MYT1L: variants seen among roughly 807,000 people sequenced by gnomAD.
The protein encoded by MYT1L is myelin transcription factor 1-like protein.
MYT1L carries 12 observed loss-of-function variants against 126.7 expected under a neutral mutation model. That is an observed-to-expected ratio of 0.09 (90% CI 0.06 to 0.15). MYT1L has a LOEUF of 0.15. Ranked by LOEUF, MYT1L falls within the 10% of genes least tolerant of loss-of-function variation. The pLI is 1.00. For missense variants in MYT1L, 979 were observed against 1,585.2 expected, an observed-to-expected ratio of 0.62 and a Z score of 6.49; for synonymous variants, 541 against 604.2, an observed-to-expected ratio of 0.90 and a Z score of 1.53.
Position 2,308,447 on chromosome 2 carries a change from T to A in MYT1L, c.-521+22520A>T, listed in dbSNP as rs545031413. Among the ~76,000 whole-genome samples, 4 of 151,356 alleles carry A rather than the reference T, an allele frequency of 2.6e-5. No individual in the cohort carries two copies. The South Asian group carries it at 8.4e-4, about 32-fold the overall frequency. ...TACACTTCAGTATACTCTACCTATA[T>A]TCCACCTATGCTTTAGTTGATATAC... On this transcript the variant is annotated intron_variant, in intron 1 of 24. Coordinates refer to ENST00000647738, the MANE Select transcript of MYT1L (RefSeq NM_001303052.2).
chr2:1,899,623 G>A (rs1259829066), intron 14 of MYT1L, among the ~76,000 whole-genome samples: 1 of 152,160 alleles, frequency 6.6e-6, no homozygotes, highest in African/African-American at 2.4e-5. Context: ...TCTCCGTCCT[G>A]GCCTCCAGAC....
chr2:1,809,167 G>A lies in MYT1L; in HGVS notation c.3081C>T (p.Ser1027=), dbSNP rs765099653. ...HVSGSFLTHR[S]LSGCPRATSA... is the part of the protein sequence containing the mutation. ...ACGTGGCTCTCGGGCATCCTGACAA[G>A]CTGTGGACAAGACACAGGACGGCCA... The change falls in exon 22 of 25, where the codon AGC becomes AGT. Residue 1027 remains serine (S), a splice_region_variant and synonymous_variant. Transcript: ENST00000647738. 1.1e-5 allele frequency: 18 copies of A among 1,613,832 alleles called. No individual in the cohort carries two copies. Among genetic ancestry groups the A allele is most frequent in the Admixed American group, 1.7e-5 (1 of 60,006 alleles).
At chr2:2,237,933 T>G (rs947669798) in intron 2 of MYT1L, among the ~76,000 whole-genome samples, 4 of 152,108 alleles carry the variant, frequency 2.6e-5, no homozygotes, top group Non-Finnish European at 4.4e-5. Context: ...TAAGGTAAAG[T>G]CAGGTTGTTT....
At chr2:2,211,803 CAAAAAA>C (rs35770675) in intron 2 of MYT1L, among the ~76,000 whole-genome samples, 2 of 59,738 alleles carry the variant, frequency 3.3e-5, no homozygotes, top group African/African-American at 1.2e-4. Flanking sequence ...GACTCCATGT[CAAAAAA>C]AAAAAAAAAA....
At chr2:2,066,304 C>T (rs2071263825) in intron 3 of MYT1L, among the ~76,000 whole-genome samples, 1 of 152,158 alleles carries the variant, frequency 6.6e-6, no homozygotes, top group Non-Finnish European at 1.5e-5. Flanking sequence ...ACTTTATAAA[C>T]ATTAATTCTT....
intron 5 of MYT1L, among the ~76,000 whole-genome samples, chr2:1,986,456 C>T (rs1321025730): frequency 6.6e-6 from 1 of 152,160 alleles, no homozygotes; most frequent in Non-Finnish European, 1.5e-5. Context: ...GGTTTCCTCC[C>T]ATCATGTTTG....
intron 1 of MYT1L, among the ~76,000 whole-genome samples, chr2:2,289,794 T>C (rs1433919317): frequency 2.6e-5 from 4 of 152,244 alleles, no homozygotes; most frequent in Non-Finnish European, 4.4e-5. Flanking sequence ...TTCTTAGTAT[T>C]ATTTTAAGTG....
At chr2:2,019,383 T>G (rs144876114) in intron 4 of MYT1L, among the ~76,000 whole-genome samples, 101 of 152,228 alleles carry the variant, frequency 6.6e-4, no homozygotes, top group African/African-American at 2.3e-3. Context: ...TGTGGAACTG[T>G]GAGTCAATTA....
chr2:2,240,015 A>G (rs2094405977), intron 2 of MYT1L, among the ~76,000 whole-genome samples: 1 of 152,170 alleles, frequency 6.6e-6, no homozygotes, highest in African/African-American at 2.4e-5. Flanking sequence ...AATAAAAGGT[A>G]GGCCAGGCAC....
intron 2 of MYT1L, among the ~76,000 whole-genome samples, chr2:2,246,878 G>A (rs1171924963): frequency 6.6e-6 from 1 of 152,190 alleles, no homozygotes; most frequent in Non-Finnish European, 1.5e-5. Context: ...AACATGGGGT[G>A]AGAAGCCTAA....
chr2:2,027,514 G>T (rs1040034322), intron 4 of MYT1L, among the ~76,000 whole-genome samples: 1 of 152,196 alleles, frequency 6.6e-6, no homozygotes, highest in East Asian at 1.9e-4. Context: ...ATAAGCCAAC[G>T]TGTAGAATAG....
chr2:2,311,356 G>A (rs775149864), intron 1 of MYT1L, among the ~76,000 whole-genome samples: 19 of 152,314 alleles, frequency 1.2e-4, no homozygotes, highest in Middle Eastern at 3.4e-3. Context: ...CAGCTGAGCG[G>A]CCTGGATCAG....
intron 5 of MYT1L, among the ~76,000 whole-genome samples, chr2:1,988,121 C>T (rs979816083): frequency 1.3e-5 from 2 of 152,162 alleles, no homozygotes; most frequent in Admixed American, 1.3e-4. Flanking sequence ...CTCCCGCCAG[C>T]CCAGCTGCAC....
intron 1 of MYT1L, among the ~76,000 whole-genome samples, chr2:2,301,750 C>A (rs2095789627): frequency 6.6e-6 from 1 of 151,282 alleles, no homozygotes. Context: ...TTGCTTGAGC[C>A]CAGGAGATCA....
intron 8 of MYT1L, chr2:1,974,360 A>G (rs2149463211): frequency 6.6e-6 from 1 of 152,324 alleles, no homozygotes; most frequent in South Asian, 2.1e-4. Context: ...ACAGGTGACC[A>G]TGTGCAGGAA....
intron 5 of MYT1L, among the ~76,000 whole-genome samples, chr2:1,983,042 T>G (rs890273544): frequency 1.3e-5 from 2 of 152,232 alleles, no homozygotes; most frequent in African/African-American, 4.8e-5. Context: ...CAAACTTATT[T>G]TTTTTCCAGT....
chr2:1,933,194 C>T (rs1239442008), intron 9 of MYT1L, among the ~76,000 whole-genome samples: 1 of 152,024 alleles, frequency 6.6e-6, no homozygotes, highest in African/African-American at 2.4e-5. Context: ...CCACAGCCCC[C>T]ACCGAGATGA....
chr2:2,205,137 G>A (rs1391124925), intron 2 of MYT1L, among the ~76,000 whole-genome samples: 1 of 112,976 alleles, frequency 8.9e-6, no homozygotes, highest in East Asian at 3.3e-4. Context: ...GGAGGGGGGA[G>A]GGATAGCATT....
chr2:2,175,550 C>G (rs1334539922), intron 2 of MYT1L, among the ~76,000 whole-genome samples: 1 of 152,014 alleles, frequency 6.6e-6, no homozygotes, highest in Non-Finnish European at 1.5e-5. Context: ...ACAGCAAGAA[C>G]CAGACAAATG....
Sources: gnomAD v4.1 joint callset for allele counts (sites outside exome capture counted in the v4.1 genomes callset) on GRCh38, gnomAD v4.1.1 for gene constraint, MANE v1.5 for transcripts, NCBI Gene and HGNC (gene_info 2026-07-23, HGNC 2026-07-21) for gene names.